Variants in KIF17 observed in about 807,000 individuals in gnomAD.
KIF17 encodes the protein kinesin family member 17.
KIF17 carries 80 observed loss-of-function variants against 96.8 expected under a neutral mutation model. That is an observed-to-expected ratio of 0.83 (90% CI 0.69 to 1.00). The LOEUF (loss-of-function observed/expected upper bound fraction) is 1.00, where lower values mean the gene tolerates loss of function less well. Ranked by LOEUF, KIF17 falls within the 50% of genes least tolerant of loss-of-function variation. The pLI, the probability that KIF17 is intolerant of heterozygous loss-of-function variation, is 0.00. For missense variants in KIF17, 1,280 were observed against 1,372.9 expected, an observed-to-expected ratio of 0.93 and a Z score of 1.07; for synonymous variants, 567 against 587.5, an observed-to-expected ratio of 0.97 and a Z score of 0.51.
chr1:20,704,221 C>T lies in KIF17; in HGVS notation c.1123+226G>A, dbSNP rs973421762. Among the ~76,000 whole-genome samples, 148 of 152,192 alleles carry T rather than the reference C, an allele frequency of 9.7e-4. 1 individual carries two copies. Among genetic ancestry groups the T allele is most frequent in the African/African-American group, 3.1e-3 (130 of 41,534 alleles). ...GAGGCGGGGAGTGGGCAACAGCCTG[C>T]GTCAGATGGGACAGGCCAGACGGAC... On this transcript the variant is annotated intron_variant, in intron 5 of 14. Coordinates refer to ENST00000400463, the MANE Select transcript of KIF17 (RefSeq NM_001122819.3). This position sits in a 1 kb window ranked among gnomAD's most constrained non-coding sequence, Gnocchi z 6.8.
At chr1:20,668,620 C>A (rs2053577590) in intron 13 of KIF17, among the ~76,000 whole-genome samples, 2 of 152,144 alleles carry the variant, frequency 1.3e-5, no homozygotes, top group South Asian at 2.1e-4. Flanking sequence ...GGTTGGAATT[C>A]ATTAGCCTAG....
rs1395225080 is a variant in KIF17, at chr1:20,685,766, T to C, written c.2019+280A>G. Among the ~76,000 whole-genome samples, 17 of 152,198 alleles carry C rather than the reference T, an allele frequency of 1.1e-4. No homozygotes were observed. The highest frequency in any genetic ancestry group is 1.1e-3 in the Admixed American group (17 of 15,270). On this transcript the variant is annotated intron_variant, in intron 9 of 14. Coordinates refer to ENST00000400463, the MANE Select transcript of KIF17 (RefSeq NM_001122819.3). This position sits in a 1 kb window ranked among gnomAD's most constrained non-coding sequence, Gnocchi z 4.1. ...TGCAGCCCTCGTCCTTTGCACACAC[T>C]GGGCCTCAATTCCTTTACACAAAGG...
At chr1:20,662,535 T>C (rs1240881517), downstream of KIF17, among the ~76,000 whole-genome samples, 1 of 152,222 alleles carries the variant, frequency 6.6e-6, no homozygotes, top group Non-Finnish European at 1.5e-5. Flanking sequence ...GTTAAGCCTC[T>C]GCAGAGCTCC....
intron 11 of KIF17, among the ~76,000 whole-genome samples, chr1:20,674,575 CTTTT>C (rs34777403): frequency 1.4e-5 from 2 of 142,308 alleles, no homozygotes; most frequent in Non-Finnish European, 3.1e-5. Context: ...ATTTATCCCT[CTTTT>C]TTTTTTTTTT....
chr1:20,692,666 T>C (rs1311601113), intron 6 of KIF17: 1 of 152,206 alleles, frequency 6.6e-6, no homozygotes. Context: ...TGTGTGCTCA[T>C]GAATTTGTTT....
chr1:20,707,445 A>G (rs2054360888), intron 4 of KIF17, among the ~76,000 whole-genome samples: 2 of 145,442 alleles, frequency 1.4e-5, no homozygotes, highest in African/African-American at 5.1e-5. Context: ...GTAAGATTTC[A>G]GTTATGTTTA....
chr1:20,682,577 G>GT, intron 11 of KIF17, 76 bp downstream of exon 11: 1 of 1,234,070 alleles, frequency 8.1e-7, no homozygotes, highest in Admixed American at 1.7e-5. Flanking sequence ...TTCCTACAAG[G>GT]TGTAGGGATG....
At chr1:20,683,767 G>A (rs1036588275) in intron 10 of KIF17, among the ~76,000 whole-genome samples, 3 of 152,210 alleles carry the variant, frequency 2.0e-5, no homozygotes, top group South Asian at 2.1e-4. Context: ...ACCCCACTCT[G>A]CGGTTCACTC....
Position 20,685,961 on chromosome 1 carries a change from T to A in KIF17, c.2019+85A>T, listed in dbSNP as rs1033452593. On this transcript the variant is annotated intron_variant, in intron 9 of 14. Transcript: ENST00000400463. The surrounding 1 kb of genome is among the most constrained non-coding windows in gnomAD (Gnocchi z 4.1). Reference sequence around the variant, plus strand: ...AGCTCATGGATGAGGAAACTGAAGCTCAGGGAGGGAGAAGACAAGCTGGAG... The same window carrying A: ...AGCTCATGGATGAGGAAACTGAAGCACAGGGAGGGAGAAGACAAGCTGGAG... 1.2e-5 allele frequency: 13 copies of A among 1,129,288 alleles called. No homozygotes were observed. In the East Asian group the frequency reaches 2.8e-4, roughly 25 times the overall value. The allele number at this position is 1,129,288 out of a possible 1,614,324, so 70.0% of individuals were successfully genotyped here.
At position 20,685,431 on chromosome 1, in the gene KIF17, T is replaced by G. The variant is rs867048385; in HGVS notation, c.2020-411A>C. Reference sequence around the variant, plus strand: ...CCACCGTGGCCTCCTTTTCCATTGCTAAGAAAGTCAAGGTCTTTCCAGCCA... The same window carrying G: ...CCACCGTGGCCTCCTTTTCCATTGCGAAGAAAGTCAAGGTCTTTCCAGCCA... On this transcript the variant is annotated intron_variant, in intron 9 of 14. Transcript: ENST00000400463. This position sits in a 1 kb window ranked among gnomAD's most constrained non-coding sequence, Gnocchi z 4.1. The G allele has an allele frequency of 5.2e-6, 2 of 383,100 alleles. No homozygotes were observed. The highest frequency in any genetic ancestry group is 3.5e-5 in the Admixed American group (1 of 28,424). The allele number at this position is 383,100 out of a possible 1,614,324, so 23.7% of individuals were successfully genotyped here. A position where few individuals can be genotyped will look rare whatever the true frequency, so the allele number is the denominator to read the frequency against.
chr1:20,682,874 A>T lies in KIF17; in HGVS notation c.2242T>A (p.Leu748Met), dbSNP rs549777277. The T allele has an allele frequency of 2.1e-4, 333 of 1,610,036 alleles. 6 individuals carry two copies. The South Asian group carries it at 3.4e-3, about 17-fold the overall frequency. The part of the protein sequence containing the change: ...QQQVLARLQL[L>M]EQQVVGGEQA... Reference sequence around the variant, plus strand: ...TCTCCACCCACAACCTGCTGCTCCAACAGCTGCAGACTGCCGGCGTGGAGG... The same window carrying T: ...TCTCCACCCACAACCTGCTGCTCCATCAGCTGCAGACTGCCGGCGTGGAGG... Residue 748 changes from leucine to methionine, a missense_variant, in exon 11 of 15, where the codon TTG becomes ATG. Transcript: ENST00000400463.
downstream of KIF17, among the ~76,000 whole-genome samples, chr1:20,663,075 T>C (rs556276244): frequency 1.3e-5 from 2 of 151,938 alleles, no homozygotes; most frequent in African/African-American, 4.8e-5. Context: ...TACAAAAAAT[T>C]TAGCCGGGCG....
intron 12 of KIF17, 81 bp downstream of exon 12, chr1:20,671,857 A>G: frequency 1.3e-6 from 2 of 1,516,302 alleles, no homozygotes; most frequent in Non-Finnish European, 1.8e-6. Context: ...CTGCAAGGAG[A>G]GGCCCACACT....
intron 2 of KIF17, among the ~76,000 whole-genome samples, chr1:20,714,193 G>A (rs1432987570): frequency 6.6e-6 from 1 of 152,232 alleles, no homozygotes. Flanking sequence ...CAGGCATGGT[G>A]GTGGGTGCCT....
chr1:20,708,842 C>CT (rs1221967795), intron 4 of KIF17, among the ~76,000 whole-genome samples: 2 of 152,152 alleles, frequency 1.3e-5, no homozygotes, highest in Non-Finnish European at 2.9e-5. Context: ...TTTCCTTCCT[C>CT]TTTGCTTTCT....
In KIF17 at chr1:20,687,477, C is replaced by T; in HGVS notation, c.1849G>A (p.Ala617Thr). ...CTGGCCAGCTTGGCTTCCACCTCGG[C>T]AAACGGGTCCTGCAGGCCTAGTAAC... is the stretch of plus-strand genomic sequence containing the variant. ...QGLLGLQDPF[A>T]EVEAKLARLS... Residue 617 changes from alanine to threonine, a missense_variant, in exon 8 of 15, where the codon GCC becomes ACC. Coordinates refer to ENST00000400463, the MANE Select transcript of KIF17 (RefSeq NM_001122819.3). This position sits in a 1 kb window ranked among gnomAD's most constrained non-coding sequence, Gnocchi z 4.4. 1 of 1,613,918 alleles carries T rather than the reference C, an allele frequency of 6.2e-7. No individual in the cohort carries two copies. Among genetic ancestry groups the T allele is most frequent in the Non-Finnish European group, 8.5e-7 (1 of 1,179,958 alleles).
In KIF17 at chr1:20,686,029, C is replaced by T; in HGVS notation, c.2019+17G>A. The T allele has an allele frequency of 6.5e-7, 1 of 1,546,128 alleles. No homozygotes were observed. Among genetic ancestry groups the T allele is most frequent in the Non-Finnish European group, 8.8e-7 (1 of 1,141,622 alleles). On this transcript the variant is annotated intron_variant, in intron 9 of 14. Coordinates refer to ENST00000400463, the MANE Select transcript of KIF17 (RefSeq NM_001122819.3). ...GAGAACCCCGTCCCCCACATGGAGG[C>T]CCGGGGAGGTACTCACAGGCCTGGG...
rs146833651 is a variant in KIF17, at chr1:20,667,150, G to A, written c.2791-819C>T. ...CTGGGCTGCACAGCAGGAAGTGAGCGGCAGGTGAGCAAGTGAAGCTTCATC... is the reference window on the plus strand; with the variant it reads ...CTGGGCTGCACAGCAGGAAGTGAGCAGCAGGTGAGCAAGTGAAGCTTCATC... On this transcript the variant is annotated intron_variant, in intron 13 of 14. Coordinates refer to ENST00000400463, the MANE Select transcript of KIF17 (RefSeq NM_001122819.3). 1.8e-4 allele frequency among the ~76,000 whole-genome samples: 28 copies of A among 152,254 alleles called. 1 individual carries two copies. Among genetic ancestry groups the A allele is most frequent in the Admixed American group, 5.2e-4 (8 of 15,298 alleles).
chr1:20,712,547 GATATTATCTATATTATAT>G, intron 3 of KIF17, among the ~76,000 whole-genome samples: 1 of 68,340 alleles, frequency 1.5e-5, no homozygotes, highest in South Asian at 4.2e-4. Flanking sequence ...CTATATTATA[GATATTATCTATATTATAT>G]ATATAGATAA....
Sources: gnomAD v4.1 joint callset for allele counts (sites outside exome capture counted in the v4.1 genomes callset) on GRCh38, gnomAD v4.1.1 for gene constraint, Gnocchi (gnomAD v3.1) non-coding constraint, MANE v1.5 for transcripts, NCBI Gene and HGNC (gene_info 2026-07-23, HGNC 2026-07-21) for gene names.